CDKL3: variants seen among roughly 807,000 people sequenced by gnomAD.
CDKL3 encodes cyclin dependent kinase like 3.
A neutral mutation model predicts 69.3 loss-of-function variants in CDKL3; 65 were observed. The ratio of observed to expected loss-of-function variants is 0.94; its 90% CI spans 0.77 to 1.15. CDKL3 has a LOEUF of 1.15. Among genes scored for constraint, CDKL3 ranks in the 50% most tolerant of loss-of-function variants. The probability of loss-of-function intolerance (pLI) is 0.00; values close to 1 mark genes in which losing one functional copy is unlikely to be tolerated. For missense variants in CDKL3, 652 were observed against 689.2 expected (o/e 0.95, Z 0.61); for synonymous variants, 202 against 221.6 (o/e 0.91, Z 0.79).
rs199508944 is a variant in CDKL3 at position 134,308,133 on chromosome 5, C to T, written c.1364+5G>A. 7.5e-6 allele frequency: 12 copies of T among 1,606,796 alleles called. No homozygotes were observed. The East Asian group carries it at 2.7e-4, about 36-fold the overall frequency. ...TATTTAGGTTTCTTCTCTGTTACAG[C>T]TCACCTCACACTGGGGTGAAAGAGA... On this transcript the variant is annotated splice_donor_5th_base_variant and intron_variant, in intron 9 of 12. Transcript: ENST00000265334.
rs572603898 is a variant in CDKL3 at position 134,339,116 on chromosome 5, C to T, written c.539+11133G>A. Among the ~76,000 whole-genome samples the T allele has an allele frequency of 2.0e-4, 30 of 149,934 alleles. No individual in the cohort carries two copies. In the South Asian group the frequency reaches 6.0e-3, roughly 30 times the overall value. ...TTGTAGTGAGGTAGTGAGCCAAGAT[C>T]GTGCCACTGCACTCCAGCCTGGGTG... On this transcript the variant is annotated intron_variant, in intron 4 of 12. Coordinates refer to ENST00000265334, the MANE Select transcript of CDKL3 (RefSeq NM_001113575.2).
At chr5:134,361,600 G>C (rs1271495882) in intron 2 of CDKL3, among the ~76,000 whole-genome samples, 1 of 152,138 alleles carries the variant, frequency 6.6e-6, no homozygotes, top group East Asian at 1.9e-4. Context: ...CATATTGACA[G>C]CAGTGAAAAG....
upstream of CDKL3, chr5:134,371,554 G>GA: frequency 6.2e-7 from 1 of 1,603,940 alleles, no homozygotes; most frequent in Middle Eastern, 1.9e-4. Context: ...GGCTGCGCGG[G>GA]ACTTTTTTTT....
At chr5:134,343,012 C>G (rs534705421) in intron 4 of CDKL3, among the ~76,000 whole-genome samples, 1 of 152,096 alleles carries the variant, frequency 6.6e-6, no homozygotes, top group African/African-American at 2.4e-5. Flanking sequence ...CAAGACCAGC[C>G]GGGCCAACGT....
At chr5:134,330,482 AG>A (rs1467527618) in intron 4 of CDKL3, among the ~76,000 whole-genome samples, 1 of 152,192 alleles carries the variant, frequency 6.6e-6, no homozygotes, top group African/African-American at 2.4e-5. Context: ...TGGTAGACCA[AG>A]GCAGGCAGAG....
At chr5:134,337,849 T>C (rs556598653) in intron 4 of CDKL3, among the ~76,000 whole-genome samples, 8 of 152,356 alleles carry the variant, frequency 5.3e-5, no homozygotes, top group African/African-American at 1.9e-4. Context: ...CTTTTCCAAC[T>C]GATGTATTAT....
chr5:134,354,546 C>T lies in CDKL3; in HGVS notation c.361-4119G>A, dbSNP rs567492663. Among the ~76,000 whole-genome samples, 8 of 152,292 alleles carry T rather than the reference C, an allele frequency of 5.3e-5. No homozygotes were observed. In the East Asian group the frequency reaches 1.5e-3, roughly 29 times the overall value. ...TTGCCATCTGTCAAAATATATAAATCCTTTTTAACTACCACAATTTTAATT... is the reference window on the plus strand; with the variant it reads ...TTGCCATCTGTCAAAATATATAAATTCTTTTTAACTACCACAATTTTAATT... On this transcript the variant is annotated intron_variant, in intron 3 of 12. Transcript: ENST00000265334.
At chr5:134,312,415 TCAAC>T in intron 6 of CDKL3, 35 bp from the exon 7 acceptor site, 8 of 1,120,502 alleles carry the variant, frequency 7.1e-6, no homozygotes, top group Non-Finnish European at 9.1e-6. Context: ...AAGTGAGCTC[TCAAC>T]AGGGCTCCAT....
At chr5:134,310,214 C>A (rs1390474576) in intron 7 of CDKL3, among the ~76,000 whole-genome samples, 1 of 151,898 alleles carries the variant, frequency 6.6e-6, no homozygotes. Flanking sequence ...GAGACAGAGT[C>A]TCGCTCTGTC....
intron 4 of CDKL3, among the ~76,000 whole-genome samples, chr5:134,329,534 A>G (rs1454416932): frequency 6.6e-6 from 1 of 151,286 alleles, no homozygotes; most frequent in South Asian, 2.1e-4. Context: ...AATGCAGTGG[A>G]GTGCAGCTCA....
At chr5:134,308,819 A>G in intron 7 of CDKL3, 92 bp from the exon 8 acceptor site, 1 of 1,080,078 alleles carries the variant, frequency 9.3e-7, no homozygotes, top group Non-Finnish European at 1.3e-6. Flanking sequence ...ATTAATGTAC[A>G]TTTCAGCTAC....
Position 134,359,926 on chromosome 5 carries a change from G to A in CDKL3, c.331C>T (p.Arg111Ter), listed in dbSNP as rs774135645. Reference sequence around the variant, plus strand: ...TTACTGTGAAGATAGTCAATTGCTCGAAGGATCTGGAAGAGGTATTTTCTA... The same window carrying A: ...TTACTGTGAAGATAGTCAATTGCTCAAAGGATCTGGAAGAGGTATTTTCTA... ...RLRKYLFQIL[R>*]AIDYLHSNNI... The change falls in exon 3 of 13, where the codon CGA (arginine) becomes TGA (stop). Residue 111 changes from arginine (R) to a stop codon, truncating the protein, a stop_gained. Coordinates refer to ENST00000265334, the MANE Select transcript of CDKL3 (RefSeq NM_001113575.2). LOFTEE classifies it high-confidence loss of function. 32 of 1,585,440 alleles carry A rather than the reference G, an allele frequency of 2.0e-5. No individual in the cohort carries two copies. The highest frequency in any genetic ancestry group is 4.5e-5 in the East Asian group (2 of 44,316).
At chr5:134,293,016 T>A in intron 8 of CDKL3, among the ~76,000 whole-genome samples, 1 of 96,512 alleles carries the variant, frequency 1.0e-5, no homozygotes, top group Non-Finnish European at 2.0e-5. Flanking sequence ...TTTTTTTTTT[T>A]TTTTTTTTTT....
At chr5:134,306,774 T>TG (rs1416217426) in intron 9 of CDKL3, 72 bp from the exon 10 acceptor site, 1 of 814,840 alleles carries the variant, frequency 1.2e-6, no homozygotes, top group Non-Finnish European at 1.8e-6. Flanking sequence ...TTTTTTTTTT[T>TG]GGCAGATTCT....
intron 6 of CDKL3, among the ~76,000 whole-genome samples, chr5:134,317,144 A>G (rs1335337957): frequency 1.3e-5 from 2 of 152,104 alleles, no homozygotes; most frequent in East Asian, 3.9e-4. Flanking sequence ...TTTTATTTTT[A>G]TTTATTTTTG....
At chr5:134,287,477 T>G (rs1315738671) in intron 8 of CDKL3, among the ~76,000 whole-genome samples, 1 of 152,178 alleles carries the variant, frequency 6.6e-6, no homozygotes, top group African/African-American at 2.4e-5. Flanking sequence ...TGTATCCCCT[T>G]TCACTTATGA....
At chr5:134,354,536 A>C (rs1754087310) in intron 3 of CDKL3, among the ~76,000 whole-genome samples, 1 of 152,206 alleles carries the variant, frequency 6.6e-6, no homozygotes, top group African/African-American at 2.4e-5. Flanking sequence ...ATCTGTCAAA[A>C]TATATAAATC....
chr5:134,371,601 G>T (rs201989843), upstream of CDKL3: 3 of 1,612,438 alleles, frequency 1.9e-6, no homozygotes, highest in African/African-American at 2.7e-5. Context: ...GGAGCATGTC[G>T]ACCCCGGCCC....
chr5:134,329,469 TTTTA>T (rs1174010428), intron 4 of CDKL3, among the ~76,000 whole-genome samples: 12 of 151,994 alleles, frequency 7.9e-5, no homozygotes, highest in East Asian at 1.9e-4. Context: ...TAATTTTTTA[TTTTA>T]TTTATTTATT....
Sources: gnomAD v4.1 joint callset for allele counts (sites outside exome capture counted in the v4.1 genomes callset) on GRCh38, gnomAD v4.1.1 for gene constraint, MANE v1.5 for transcripts, NCBI Gene and HGNC (gene_info 2026-07-23, HGNC 2026-07-21) for gene names.